PPP2R2C: variants seen among roughly 807,000 people sequenced by gnomAD.
The protein encoded by PPP2R2C is protein phosphatase 2, regulatory subunit B, gamma.
A neutral mutation model predicts 45.3 loss-of-function variants in PPP2R2C; 10 were observed. The observed-to-expected ratio is 0.22, with a 90% CI of 0.14 to 0.37. The LOEUF is 0.37. PPP2R2C is among the 10% of genes least tolerant of loss of function. PPP2R2C has a pLI of 1.00. For missense variants in PPP2R2C, 308 were observed against 619.7 expected (o/e 0.50, Z 5.34); for synonymous variants, 257 against 245.4 (o/e 1.05, Z -0.44).
At chr4:6,530,363 C>T (rs866985182) in intron 2 of PPP2R2C, among the ~76,000 whole-genome samples, 2 of 152,164 alleles carry the variant, frequency 1.3e-5, no homozygotes, top group African/African-American at 2.4e-5. Flanking sequence ...GATCCGCCAC[C>T]GCACCTGCAC....
chr4:6,478,837 T>A (rs1010872821), intron 2 of PPP2R2C, among the ~76,000 whole-genome samples: 5 of 152,204 alleles, frequency 3.3e-5, no homozygotes, highest in African/African-American at 1.2e-4. Context: ...CCCTGTTATC[T>A]TCTTCCCGGG....
At chr4:6,414,236 T>A (rs914313762) in intron 1 of PPP2R2C, among the ~76,000 whole-genome samples, 2 of 151,974 alleles carry the variant, frequency 1.3e-5, no homozygotes, top group African/African-American at 4.8e-5. Context: ...GGTAAGTTCA[T>A]CAGAGGCCAG....
chr4:6,544,195 C>G (rs1011978607), intron 1 of PPP2R2C, among the ~76,000 whole-genome samples: 1 of 152,210 alleles, frequency 6.6e-6, no homozygotes, highest in Non-Finnish European at 1.5e-5. Context: ...CCTCACCCAG[C>G]CAAGCCATGA....
At chr4:6,550,262 T>C (rs1725139625) in intron 1 of PPP2R2C, among the ~76,000 whole-genome samples, 1 of 151,736 alleles carries the variant, frequency 6.6e-6, no homozygotes. Flanking sequence ...AGCCGGCACA[T>C]CCCAAAGCAC....
In PPP2R2C at chr4:6,442,017, C is replaced by G. The variant is rs113998270; in HGVS notation, c.70+30143G>C. The stretch of plus-strand genomic sequence containing the variant: ...CCTGGGTCAAGCCTAGGACACAGCC[C>G]CATCAAAGCCAAACGGTGTCCGTGG... On this transcript the variant is annotated intron_variant, in intron 1 of 8. Coordinates refer to ENST00000382599, the MANE Select transcript of PPP2R2C (RefSeq NM_020416.4). 5.6e-3 allele frequency among the ~76,000 whole-genome samples: 853 copies of G among 152,348 alleles called. 5 individuals are homozygous for G. Among genetic ancestry groups the G allele is most frequent in the African/African-American group, 0.02 (812 of 41,572 alleles).
At chr4:6,361,312 C>A (rs1312509163) in intron 5 of PPP2R2C, among the ~76,000 whole-genome samples, 2 of 152,206 alleles carry the variant, frequency 1.3e-5, no homozygotes, top group Non-Finnish European at 2.9e-5. Flanking sequence ...TCTGCCATAG[C>A]CCACCTCAGG....
upstream of PPP2R2C, among the ~76,000 whole-genome samples, chr4:6,475,190 CGGGGATGGAGAT>C (rs1454261737): frequency 4.0e-5 from 6 of 151,316 alleles, no homozygotes; most frequent in East Asian, 1.9e-4. Flanking sequence ...TGGAGATGAA[CGGGGATGGAGAT>C]GGGGATGGAG....
At chr4:6,525,888 G>A (rs1467799101) in intron 2 of PPP2R2C, among the ~76,000 whole-genome samples, 1 of 152,150 alleles carries the variant, frequency 6.6e-6, no homozygotes, top group African/African-American at 2.4e-5. Context: ...ATTTTTAGTA[G>A]ATACAGCGTT....
intron 1 of PPP2R2C, among the ~76,000 whole-genome samples, chr4:6,392,974 G>T (rs1227560666): frequency 6.6e-6 from 1 of 152,190 alleles, no homozygotes; most frequent in East Asian, 1.9e-4. Flanking sequence ...TCTCTCTCAG[G>T]CCTCGCTCCA....
chr4:6,406,675 T>C (rs574960894), intron 1 of PPP2R2C, among the ~76,000 whole-genome samples: 73 of 152,192 alleles, frequency 4.8e-4, no homozygotes, highest in African/African-American at 1.6e-3. Flanking sequence ...GAGAATCCAT[T>C]GAACCTGGGA....
intron 2 of PPP2R2C, among the ~76,000 whole-genome samples, chr4:6,489,283 A>G (rs1722622176): frequency 6.6e-6 from 1 of 151,812 alleles, no homozygotes; most frequent in African/African-American, 2.4e-5. Context: ...GTTTCATGCC[A>G]TTTTTTTTAC....
rs760681638 is a variant in PPP2R2C, at chr4:6,378,386, C to T, written c.334+21G>A. 1.4e-5 allele frequency: 22 copies of T among 1,613,834 alleles called. 1 individual carries two copies. The South Asian group carries it at 1.5e-4, about 11-fold the overall frequency. ...CATCTACGGCCTGTGCCCATGCAAG[C>T]GAGGCCGGGCAGCGCCTCACCGTTG... On this transcript the variant is annotated intron_variant, in intron 3 of 8. Coordinates refer to ENST00000382599, the MANE Select transcript of PPP2R2C (RefSeq NM_020416.4). The surrounding 1 kb of genome is among the most constrained non-coding windows in gnomAD (Gnocchi z 5.2).
rs574817837 is a variant in PPP2R2C at position 6,488,919 on chromosome 4, T to G, written c.49+46352A>C. Among the ~76,000 whole-genome samples the G allele has an allele frequency of 2.3e-3, 355 of 152,304 alleles. No individual in the cohort carries two copies. The Middle Eastern group carries it at 0.024, about 10-fold the overall frequency. ...TAAGTACTGGTATCACAGGTCCTTT[T>G]GGGGGTTCTTTCCCTGACTGTGTAA... On this transcript the variant is annotated intron_variant, in intron 2 of 9. Transcript: ENST00000506140.
At chr4:6,538,578 G>T (rs1332429348) in intron 1 of PPP2R2C, among the ~76,000 whole-genome samples, 2 of 152,120 alleles carry the variant, frequency 1.3e-5, no homozygotes, top group Non-Finnish European at 2.9e-5. Flanking sequence ...TCTTCCAAAC[G>T]CCAATAACAC....
chr4:6,375,839 A>T lies in PPP2R2C; in HGVS notation c.427T>A (p.Ser143Thr). Residue 143 changes from serine to threonine, a missense_variant, in exon 4 of 9, where the codon TCC (serine) becomes ACC (threonine). Ser to Thr is a moderately conservative substitution (Grantham distance 58). Coordinates refer to ENST00000382599, the MANE Select transcript of PPP2R2C (RefSeq NM_020416.4). The part of the protein sequence containing the change: ...KDEEGKLKDL[S>T]TVTSLQVPVL... ...CTCACCTGCAGTGACGTCACCGTGG[A>T]CAGGTCCTTAAGTTTCCCCTCTTCA... The T allele has an allele frequency of 6.2e-7, 1 of 1,613,940 alleles. No homozygotes were observed. Among genetic ancestry groups the T allele is most frequent in the South Asian group, 1.1e-5 (1 of 91,044 alleles).
rs146938605 is a variant in PPP2R2C at position 6,547,998 on chromosome 4, A to G, written c.-58-12621T>C. Reference sequence around the variant, plus strand: ...TTTGGGAGGCCAAGGCAGGCAGATCACTTGAGGTCAGGAGTTCGAGACCAG... The same window carrying G: ...TTTGGGAGGCCAAGGCAGGCAGATCGCTTGAGGTCAGGAGTTCGAGACCAG... On this transcript the variant is annotated intron_variant, in intron 1 of 9. Transcript: ENST00000506140. 6.7e-4 allele frequency among the ~76,000 whole-genome samples: 102 copies of G among 152,264 alleles called. No homozygotes were observed. In the East Asian group the frequency reaches 0.011, roughly 17 times the overall value.
chr4:6,457,215 A>AAAAAAAAG (rs1040404348), intron 1 of PPP2R2C, among the ~76,000 whole-genome samples: 1 of 151,742 alleles, frequency 6.6e-6, no homozygotes, highest in Non-Finnish European at 1.5e-5. Context: ...CTCAAAAAAA[A>AAAAAAAAG]AAAAAAAAAA....
At chr4:6,477,873 G>C (rs1009253328) in intron 2 of PPP2R2C, among the ~76,000 whole-genome samples, 1 of 151,892 alleles carries the variant, frequency 6.6e-6, no homozygotes, top group African/African-American at 2.4e-5. Context: ...CTCACACAGA[G>C]CTCTCCAGCC....
intron 1 of PPP2R2C, among the ~76,000 whole-genome samples, chr4:6,414,610 T>C (rs1362788200): frequency 6.7e-6 from 1 of 149,994 alleles, no homozygotes; most frequent in Non-Finnish European, 1.5e-5. Context: ...CCCTACGAGA[T>C]GGGCAGGGGG....
Sources: gnomAD v4.1 joint callset for allele counts (sites outside exome capture counted in the v4.1 genomes callset) on GRCh38, gnomAD v4.1.1 for gene constraint, Gnocchi (gnomAD v3.1) non-coding constraint, MANE v1.5 for transcripts, NCBI Gene and HGNC (gene_info 2026-07-23, HGNC 2026-07-21) for gene names.